The following PRPF18 variants were observed in gnomAD, a reference collection of about 807,000 sequenced individuals.
PRPF18 encodes the protein pre-mRNA-splicing factor 18.
A neutral mutation model predicts 46.5 loss-of-function variants in PRPF18; 38 were observed. The ratio of observed to expected loss-of-function variants is 0.82; its 90% CI spans 0.63 to 1.07. The LOEUF is 1.07. Among genes scored for constraint, PRPF18 ranks in the 50% least tolerant of loss-of-function variants. The pLI is 0.00. For synonymous variants in PRPF18, 152 were observed against 146.7 expected (o/e 1.04, Z -0.26); for missense variants, 263 against 410.0 (o/e 0.64, Z 3.10).
chr10:13,650,606 C>T, the PRPF18 span, among the ~76,000 whole-genome samples: 9 of 152,326 alleles, frequency 5.9e-5, no homozygotes, highest in East Asian at 1.9e-4. Flanking sequence ...ATACTGCTCT[C>T]ATGACATCAC....
intron 9 of PRPF18, among the ~76,000 whole-genome samples, chr10:13,625,151 T>C (rs937350272): frequency 2.0e-4 from 31 of 151,884 alleles, no homozygotes; most frequent in Non-Finnish European, 2.6e-4. Context: ...CTGGGCAAAA[T>C]AGATCCCTTC....
chr10:13,593,834 A>G (rs761456781), intron 1 of PRPF18, among the ~76,000 whole-genome samples: 1 of 152,206 alleles, frequency 6.6e-6, no homozygotes, highest in Non-Finnish European at 1.5e-5. Context: ...TGGTTTAGTC[A>G]TCTGCTGAAA....
intron 1 of PRPF18, among the ~76,000 whole-genome samples, chr10:13,589,801 G>C (rs76881537): frequency 7.9e-5 from 12 of 152,160 alleles, no homozygotes; most frequent in African/African-American, 2.7e-4. Context: ...CAAATTTCAT[G>C]ATCATTGAAA....
At chr10:13,618,491 T>A (rs1453606629) in intron 9 of PRPF18, among the ~76,000 whole-genome samples, 1 of 150,422 alleles carries the variant, frequency 6.6e-6, no homozygotes, top group African/African-American at 2.4e-5. Flanking sequence ...CCAGGCATGG[T>A]TGTGTGTGCC....
At chr10:13,599,988 T>G (rs2080083052) in intron 2 of PRPF18, among the ~76,000 whole-genome samples, 1 of 152,184 alleles carries the variant, frequency 6.6e-6, no homozygotes, top group South Asian at 2.1e-4. Context: ...TTGGAAATCG[T>G]GGTAGTCGTG....
intron 4 of PRPF18, among the ~76,000 whole-genome samples, chr10:13,608,370 C>T (rs535972475): frequency 4.7e-4 from 71 of 152,316 alleles, no homozygotes; most frequent in African/African-American, 1.7e-3. Flanking sequence ...GCTGGCCAGG[C>T]CCGCTCCCCG....
chr10:13,622,419 T>TA (rs748885948), intron 9 of PRPF18, among the ~76,000 whole-genome samples: 73 of 152,186 alleles, frequency 4.8e-4, no homozygotes, highest in Non-Finnish European at 1.3e-4. Flanking sequence ...TATTACATCT[T>TA]ACATTTCTCA....
intron 3 of PRPF18, 126 bp downstream of exon 3, chr10:13,600,474 C>A: frequency 1.5e-6 from 1 of 649,990 alleles, no homozygotes; most frequent in Non-Finnish European, 2.4e-6. Context: ...AAATGCTGTG[C>A]AGCTAGTTTT....
At chr10:13,612,418 C>T (rs957630847) in intron 6 of PRPF18, among the ~76,000 whole-genome samples, 8 of 151,778 alleles carry the variant, frequency 5.3e-5, no homozygotes, top group South Asian at 4.2e-4. Flanking sequence ...CCACCACACC[C>T]GACTAGTTTT....
At chr10:13,597,797 A>AT (rs763220872) in intron 2 of PRPF18, 44,127 of 426,352 alleles carry the variant, frequency 0.1, 22 homozygotes, top group South Asian at 0.17. Context: ...CAAAGCTTGA[A>AT]TTTTTTTTTT....
At chr10:13,616,335 G>A (rs2253308) in intron 8 of PRPF18, 63 bp from the exon 9 acceptor site, 1,103,925 of 1,475,568 alleles carry the variant, frequency 0.75, 414,354 homozygotes, top group East Asian at 0.83. Flanking sequence ...AATACTTTCA[G>A]TAAGAATTTG....
chr10:13,616,944 A>C (rs59074463), intron 9 of PRPF18, among the ~76,000 whole-genome samples: 2,168 of 152,320 alleles, frequency 0.014, 56 homozygotes, highest in African/African-American at 0.05. Context: ...TTCAAGGTAA[A>C]TCTAACATCT....
At chr10:13,637,891 T>C in the PRPF18 span, 10 of 152,342 alleles carry the variant, frequency 6.6e-5, no homozygotes, top group East Asian at 1.9e-3. Flanking sequence ...TATGGCTGTT[T>C]TTGTTTTGCT....
At chr10:13,600,867 C>T (rs1006854949) in intron 3 of PRPF18, among the ~76,000 whole-genome samples, 1 of 152,160 alleles carries the variant, frequency 6.6e-6, no homozygotes, top group Non-Finnish European at 1.5e-5. Context: ...ATCTCTGCCT[C>T]CCGGGTTCAA....
At chr10:13,598,206 A>G (rs937659564) in intron 2 of PRPF18, among the ~76,000 whole-genome samples, 2 of 152,130 alleles carry the variant, frequency 1.3e-5, no homozygotes, top group South Asian at 2.1e-4. Flanking sequence ...TTAGTTGATA[A>G]TGTATTGTGG....
chr10:13,644,249 A>G, the PRPF18 span: 1 of 152,260 alleles, frequency 6.6e-6, no homozygotes, highest in African/African-American at 2.4e-5. Flanking sequence ...AGAATCCAAT[A>G]GGGGCTTTAT....
Position 13,630,545 on chromosome 10 carries a change from C to G in PRPF18, c.*205C>G. 1 of 362,626 alleles carries G rather than the reference C, an allele frequency of 2.8e-6. No individual in the cohort carries two copies. 22.5% of individuals were successfully genotyped at this position (362,626 alleles called of 1,614,324 possible). A position where few individuals can be genotyped will look rare whatever the true frequency, so the allele number is the denominator to read the frequency against. On this transcript the variant is annotated 3_prime_UTR_variant, in exon 10 of 10. Coordinates refer to ENST00000378572, the MANE Select transcript of PRPF18 (RefSeq NM_003675.4). ...CAAGCTGATTTTTCTTTCTTGCTTTCATTTTAATTAGTCCAAAATTAAGTT... is the reference window on the plus strand; with the variant it reads ...CAAGCTGATTTTTCTTTCTTGCTTTGATTTTAATTAGTCCAAAATTAAGTT...
At chr10:13,641,031 T>C in the PRPF18 span, 1 of 152,264 alleles carries the variant, frequency 6.6e-6, no homozygotes, top group Non-Finnish European at 1.5e-5. Context: ...TCTACCAGCA[T>C]CTTGTCTTAC....
At chr10:13,596,958 AGAACTGATT>A (rs2080043843) in intron 1 of PRPF18, among the ~76,000 whole-genome samples, 1 of 152,230 alleles carries the variant, frequency 6.6e-6, no homozygotes, top group South Asian at 2.1e-4. Context: ...GATTATTTTA[AGAACTGATT>A]GATATAATAA....
Sources: gnomAD v4.1 joint callset for allele counts (sites outside exome capture counted in the v4.1 genomes callset) on GRCh38, gnomAD v4.1.1 for gene constraint, MANE v1.5 for transcripts, NCBI Gene and HGNC (gene_info 2026-07-23, HGNC 2026-07-21) for gene names.